Variants in MAP7 observed in about 807,000 individuals in gnomAD.
The protein encoded by MAP7 is ensconsin.
A neutral mutation model predicts 94.8 loss-of-function variants in MAP7; 52 were observed. The ratio of observed to expected loss-of-function variants is 0.55; its 90% CI spans 0.44 to 0.69. The LOEUF is 0.69. Ranked by LOEUF, MAP7 falls within the 30% of genes least tolerant of loss-of-function variation. The pLI is 0.00. For synonymous variants in MAP7, 350 were observed against 357.0 expected (o/e 0.98, Z 0.22); for missense variants, 940 against 964.6 (o/e 0.97, Z 0.34).
intron 3 of MAP7, among the ~76,000 whole-genome samples, chr6:136,391,886 A>T (rs983434690): frequency 5.9e-5 from 9 of 152,214 alleles, no homozygotes; most frequent in African/African-American, 2.2e-4. Flanking sequence ...GCTTTTAATG[A>T]CATTAAACAT....
At chr6:136,462,129 G>A (rs1474969380) in intron 1 of MAP7, among the ~76,000 whole-genome samples, 2 of 149,306 alleles carry the variant, frequency 1.3e-5, no homozygotes, top group Non-Finnish European at 3.0e-5. Context: ...GAGCCCAGGG[G>A]TTCCAATCTA....
At chr6:136,386,725 G>A (rs1779275341) in intron 5 of MAP7, among the ~76,000 whole-genome samples, 1 of 152,190 alleles carries the variant, frequency 6.6e-6, no homozygotes, top group Non-Finnish European at 1.5e-5. Context: ...GAACAACCAA[G>A]AAAACAGAAG....
chr6:136,459,861 T>C (rs1053045643), intron 1 of MAP7, among the ~76,000 whole-genome samples: 1 of 152,186 alleles, frequency 6.6e-6, no homozygotes, highest in Non-Finnish European at 1.5e-5. Context: ...TCCTGTATCG[T>C]ACACTTTAAT....
chr6:136,415,915 C>T, intron 2 of MAP7, among the ~76,000 whole-genome samples: 1 of 152,124 alleles, frequency 6.6e-6, no homozygotes, highest in East Asian at 1.9e-4. Flanking sequence ...GGTTGTGATA[C>T]ACTAGATGAT....
chr6:136,507,475 CAAAAAAA>C (rs10711278), intron 1 of MAP7, among the ~76,000 whole-genome samples: 21 of 87,278 alleles, frequency 2.4e-4, no homozygotes, highest in African/African-American at 6.4e-4. Context: ...AGAAGATTCT[CAAAAAAA>C]AAAAAAAAAA....
chr6:136,456,686 AG>A, intron 1 of MAP7, among the ~76,000 whole-genome samples: 1 of 148,554 alleles, frequency 6.7e-6, no homozygotes, highest in African/African-American at 2.5e-5. Flanking sequence ...AGAAGAAAGA[AG>A]AAAGAAGAAA....
chr6:136,531,257 G>C (rs1455931199), intron 1 of MAP7, among the ~76,000 whole-genome samples: 1 of 144,886 alleles, frequency 6.9e-6, no homozygotes, highest in Non-Finnish European at 1.5e-5. Context: ...CCAAATGAGG[G>C]AAAGAAATCA....
rs1323302321 is a variant in MAP7 at position 136,525,976 on chromosome 6, T to C, written c.67+24366A>G. On this transcript the variant is annotated intron_variant, in intron 1 of 17. Coordinates refer to ENST00000354570, the MANE Select transcript of MAP7 (RefSeq NM_003980.6). ...GCTGATCCAGGCATACCGCTGCTACTTGTTTTTTTTTTTTTTAATTGTGAT... is the reference window on the plus strand; with the variant it reads ...GCTGATCCAGGCATACCGCTGCTACCTGTTTTTTTTTTTTTTAATTGTGAT... 2.0e-6 allele frequency: 3 copies of C among 1,483,176 alleles called. No individual in the cohort carries two copies. In the Admixed American group the frequency reaches 8.1e-5, roughly 40 times the overall value. The allele number at this position is 1,483,176 out of a possible 1,614,324, so 91.9% of individuals were successfully genotyped here. A position where few individuals can be genotyped will look rare whatever the true frequency, so the allele number is the denominator to read the frequency against.
chr6:136,544,655 G>A (rs1316472238), intron 1 of MAP7, among the ~76,000 whole-genome samples: 2 of 152,234 alleles, frequency 1.3e-5, no homozygotes, highest in Non-Finnish European at 2.9e-5. Flanking sequence ...TTCCTTTATG[G>A]AGTGAATCCC....
At chr6:136,400,511 A>G (rs1463605487) in intron 3 of MAP7, among the ~76,000 whole-genome samples, 2 of 152,240 alleles carry the variant, frequency 1.3e-5, no homozygotes, top group Non-Finnish European at 2.9e-5. Flanking sequence ...AATGGGTTAA[A>G]AACAAAAACA....
At chr6:136,455,173 T>C (rs950211802) in intron 1 of MAP7, among the ~76,000 whole-genome samples, 3 of 151,644 alleles carry the variant, frequency 2.0e-5, no homozygotes, top group African/African-American at 7.3e-5. Flanking sequence ...AATGTAGCAA[T>C]GAAAACTCTA....
At chr6:136,415,874 T>C (rs1053101822) in intron 2 of MAP7, among the ~76,000 whole-genome samples, 1 of 152,166 alleles carries the variant, frequency 6.6e-6, no homozygotes, top group African/African-American at 2.4e-5. Context: ...AGTAAAGAAA[T>C]GTAACATTTT....
At chr6:136,548,387 C>A (rs1367408015) in intron 1 of MAP7, among the ~76,000 whole-genome samples, 1 of 152,008 alleles carries the variant, frequency 6.6e-6, no homozygotes, top group African/African-American at 2.4e-5. Flanking sequence ...TGCTTCTGAA[C>A]ACTAAAAACA....
chr6:136,517,303 C>T (rs1424035519), intron 1 of MAP7, among the ~76,000 whole-genome samples: 1 of 151,920 alleles, frequency 6.6e-6, no homozygotes, highest in African/African-American at 2.4e-5. Context: ...AGAAGGCAGC[C>T]TTCCTAGAAA....
chr6:136,445,025 T>C (rs940788402), intron 1 of MAP7, among the ~76,000 whole-genome samples: 2 of 152,202 alleles, frequency 1.3e-5, no homozygotes, highest in Non-Finnish European at 2.9e-5. Context: ...TTTCATATAA[T>C]GAAACGAGTT....
chr6:136,403,424 C>T (rs1179283952), intron 3 of MAP7, among the ~76,000 whole-genome samples: 2 of 152,164 alleles, frequency 1.3e-5, no homozygotes, highest in East Asian at 1.9e-4. Context: ...GTAACCTGCC[C>T]GATGTCTCAC....
chr6:136,510,806 T>C (rs1252578593), intron 1 of MAP7, among the ~76,000 whole-genome samples: 1 of 152,086 alleles, frequency 6.6e-6, no homozygotes, highest in Non-Finnish European at 1.5e-5. Context: ...AAAAACATAG[T>C]ATATACATAT....
chr6:136,363,836 G>GT (rs1452829217), intron 10 of MAP7, among the ~76,000 whole-genome samples: 1 of 152,156 alleles, frequency 6.6e-6, no homozygotes, highest in African/African-American at 2.4e-5. Context: ...TGGCCACCCT[G>GT]TGTTCTATCT....
At chr6:136,404,129 G>A (rs766542789) in intron 3 of MAP7, among the ~76,000 whole-genome samples, 5 of 152,196 alleles carry the variant, frequency 3.3e-5, no homozygotes, top group African/African-American at 4.8e-5. Flanking sequence ...CAAATAACGT[G>A]AAGTATGAAA....
Sources: gnomAD v4.1 joint callset for allele counts (sites outside exome capture counted in the v4.1 genomes callset) on GRCh38, gnomAD v4.1.1 for gene constraint, MANE v1.5 for transcripts, NCBI Gene and HGNC (gene_info 2026-07-23, HGNC 2026-07-21) for gene names.